Variants in ZNRF3 observed in about 807,000 individuals in gnomAD.
The protein encoded by ZNRF3 is zinc and ring finger 3, also known as E3 ubiquitin-protein ligase ZNRF3.
A neutral mutation model predicts 72.5 loss-of-function variants in ZNRF3; 23 were observed. That is an observed-to-expected ratio of 0.32 (90% confidence interval 0.23 to 0.45). ZNRF3 has a LOEUF of 0.45. Among genes scored for constraint, ZNRF3 ranks in the 20% least tolerant of loss-of-function variants. The pLI is 1.00. For synonymous variants in ZNRF3, 610 were observed against 545.3 expected, an observed-to-expected ratio of 1.12 and a Z score of -1.65; for missense variants, 1,169 against 1,272.1, an observed-to-expected ratio of 0.92 and a Z score of 1.23.
rs1491581046 is a variant in ZNRF3, at chr22:29,020,248, CCT to C, written c.427-22246_427-22245del. On this transcript the variant is annotated intron_variant, in intron 2 of 8. Transcript: ENST00000544604. ...TCATGTTCAGTACAGACACAACCAT[CCT>C]TTTTTTTTTTTTTTTTTTTTTTTCC... is the stretch of plus-strand genomic sequence containing the variant. Among the ~76,000 whole-genome samples, 366 of 94,912 alleles carry C rather than the reference CCT, an allele frequency of 3.9e-3. 2 individuals carry two copies. The highest frequency in any genetic ancestry group is 0.013 in the African/African-American group (351 of 26,360). 62.3% of individuals were successfully genotyped at this position (94,912 alleles called of 152,430 possible).
At chr22:28,959,264 G>A (rs890805016) in intron 1 of ZNRF3, among the ~76,000 whole-genome samples, 16 of 152,224 alleles carry the variant, frequency 1.1e-4, no homozygotes, top group Admixed American at 7.2e-4. Context: ...GTGGGTAGGT[G>A]AACACCTCAC....
At chr22:28,983,801 G>A (rs2035807496) in intron 1 of ZNRF3, among the ~76,000 whole-genome samples, 1 of 152,172 alleles carries the variant, frequency 6.6e-6, no homozygotes, top group Non-Finnish European at 1.5e-5. Flanking sequence ...ATAAACAAAG[G>A]GTAGGAAATG....
chr22:29,046,799 G>T lies in ZNRF3; in HGVS notation c.828G>T (p.Glu276Asp). Residue 276 changes from glutamate to aspartate, a missense_variant, in exon 6 of 9, where the codon GAG becomes GAT. By Grantham distance (45) the Glu-to-Asp change is conservative (BLOSUM62 2). This residue lies in a region of ZNRF3 where 386 missense variants were observed against 540.7 expected (regional missense o/e 0.71). Coordinates refer to ENST00000544604, the MANE Select transcript of ZNRF3 (RefSeq NM_001206998.2). The part of the protein sequence containing the change: ...KFNSKSKGRR[E>D]GSCGALDTLS... The stretch of plus-strand genomic sequence containing the variant: ...ACTCCAAGAGCAAGGGGCGCCGGGA[G>T]GGGAGCTGTGGGGCCCTGGACACAC... The T allele has an allele frequency of 1.2e-6, 2 of 1,612,070 alleles. No homozygotes were observed. The highest frequency in any genetic ancestry group is 1.7e-6 in the Non-Finnish European group (2 of 1,178,976).
At chr22:29,011,882 AC>A (rs2036353603) in intron 2 of ZNRF3, among the ~76,000 whole-genome samples, 1 of 152,200 alleles carries the variant, frequency 6.6e-6, no homozygotes, top group African/African-American at 2.4e-5. Flanking sequence ...TTGCAGGGCC[AC>A]CATGTCTCTG....
chr22:29,049,970 T>G lies in ZNRF3; in HGVS notation c.1789T>G (p.Phe597Val). 1 of 1,612,280 alleles carries G rather than the reference T, an allele frequency of 6.2e-7. No homozygotes were observed. The highest frequency in any genetic ancestry group is 8.5e-7 in the Non-Finnish European group (1 of 1,179,744). Residue 597 changes from phenylalanine (F) to valine (V), a missense_variant, in exon 8 of 9, where the codon TTC becomes GTC. Transcript: ENST00000544604. This position sits in a 1 kb window ranked among gnomAD's most constrained non-coding sequence, Gnocchi z 5.2. ...CTCCCTCAGCAGCGACTATGACCCC[T>G]TCATCTACCGCAGCCGGAGCCCCTG... is the stretch of plus-strand genomic sequence containing the variant. ...RSSLSSDYDP[F>V]IYRSRSPCRA...
chr22:29,053,685 C>T lies in ZNRF3; in HGVS notation c.*63C>T, dbSNP rs1411057128. 2.0e-6 allele frequency: 3 copies of T among 1,504,618 alleles called. No individual in the cohort carries two copies. The highest frequency in any genetic ancestry group is 1.8e-6 in the Non-Finnish European group (2 of 1,113,196). 93.2% of individuals were successfully genotyped at this position (1,504,618 alleles called of 1,614,324 possible). A position where few individuals can be genotyped will look rare whatever the true frequency, so the allele number is the denominator to read the frequency against. ...ATGGAGACTCCAAACTGACTTCTTT[C>T]AAAAAACAAAAACAAAAAATTTTTT... On this transcript the variant is annotated 3_prime_UTR_variant, in exon 9 of 9. Coordinates refer to ENST00000544604, the MANE Select transcript of ZNRF3 (RefSeq NM_001206998.2).
intron 1 of ZNRF3, 68 bp downstream of exon 1, chr22:28,884,134 G>T (rs2033720619): frequency 8.7e-6 from 9 of 1,037,692 alleles, no homozygotes; most frequent in Non-Finnish European, 1.0e-5. Flanking sequence ...TGCGCCCGCC[G>T]ACCCCGCCGC....
At chr22:28,950,026 G>T (rs1026895754) in intron 1 of ZNRF3, among the ~76,000 whole-genome samples, 1 of 151,984 alleles carries the variant, frequency 6.6e-6, no homozygotes, top group Non-Finnish European at 1.5e-5. Flanking sequence ...TGCTTCATCT[G>T]CATTGCTTCA....
Position 29,048,584 on chromosome 22 carries a change from G to A in ZNRF3, c.1015+93G>A, listed in dbSNP as rs1199816392. ...AGGCTTGGGAACACTCAGAACCACC[G>A]TGGCACTGCCCTCTGGACTTGGAGG... On this transcript the variant is annotated intron_variant, in intron 7 of 8. Transcript: ENST00000544604. This position sits in a 1 kb window ranked among gnomAD's most constrained non-coding sequence, Gnocchi z 4.9. 2.0e-5 allele frequency: 26 copies of A among 1,294,464 alleles called. No homozygotes were observed. Among genetic ancestry groups the A allele is most frequent in the South Asian group, 6.4e-5 (5 of 78,454 alleles). The allele number at this position is 1,294,464 out of a possible 1,614,324, so 80.2% of individuals were successfully genotyped here.
chr22:29,023,423 A>G (rs1035638675), intron 2 of ZNRF3, among the ~76,000 whole-genome samples: 2 of 152,174 alleles, frequency 1.3e-5, no homozygotes, highest in Non-Finnish European at 2.9e-5. Context: ...CTTGATTCAG[A>G]TAGACCATAG....
chr22:28,985,581 C>T (rs2035843400), intron 1 of ZNRF3, among the ~76,000 whole-genome samples: 1 of 152,184 alleles, frequency 6.6e-6, no homozygotes, highest in Admixed American at 6.6e-5. Flanking sequence ...CTTTCCCTGT[C>T]AGATGGTCAG....
At chr22:28,895,559 C>T (rs530553823) in intron 1 of ZNRF3, among the ~76,000 whole-genome samples, 1 of 152,044 alleles carries the variant, frequency 6.6e-6, no homozygotes, top group South Asian at 2.1e-4. Context: ...CCCAGCTACT[C>T]GGGAGGCTGA....
intron 1 of ZNRF3, among the ~76,000 whole-genome samples, chr22:28,958,416 A>G (rs943062252): frequency 6.6e-6 from 1 of 152,010 alleles, no homozygotes; most frequent in Admixed American, 6.6e-5. Context: ...GGAAAGGTAT[A>G]TGATACAGTG....
At chr22:28,983,037 A>G (rs1028496552) in intron 1 of ZNRF3, among the ~76,000 whole-genome samples, 8 of 152,180 alleles carry the variant, frequency 5.3e-5, no homozygotes, top group African/African-American at 1.2e-4. Context: ...TAAGTTTTCT[A>G]TCCTCTGAGA....
At chr22:28,986,997 G>A (rs2035865842) in intron 1 of ZNRF3, 79 bp from the exon 2 acceptor site, 18 of 1,511,724 alleles carry the variant, frequency 1.2e-5, no homozygotes, top group Non-Finnish European at 1.4e-5. Context: ...TTTGGCTATA[G>A]CATCTGAGAA....
rs2034440891 is a variant in ZNRF3, at chr22:28,918,110, G to A, written c.300+34044G>A. Among the ~76,000 whole-genome samples, 3 of 152,198 alleles carry A rather than the reference G, an allele frequency of 2.0e-5. No homozygotes were observed. The East Asian group carries it at 5.8e-4, about 29-fold the overall frequency. ...GTGGTTTAAGAGCTGTGCCCTTGGT[G>A]TGGGCTGAAAGGCAGGCCTGGCGAA... is the stretch of plus-strand genomic sequence containing the variant. On this transcript the variant is annotated intron_variant, in intron 1 of 8. Coordinates refer to ENST00000544604, the MANE Select transcript of ZNRF3 (RefSeq NM_001206998.2).
intron 2 of ZNRF3, among the ~76,000 whole-genome samples, chr22:29,021,885 T>C (rs954814048): frequency 2.6e-5 from 4 of 151,472 alleles, no homozygotes; most frequent in Non-Finnish European, 4.4e-5. Flanking sequence ...CACACACACA[T>C]ACACACACAC....
intron 1 of ZNRF3, among the ~76,000 whole-genome samples, chr22:28,978,531 C>G (rs2035712732): frequency 1.3e-5 from 2 of 152,176 alleles, no homozygotes. Flanking sequence ...TGAAATCCTT[C>G]TCTGCCTTTT....
At position 28,992,228 on chromosome 22, in the gene ZNRF3, C is replaced by G. The variant is rs555395509; in HGVS notation, c.426+5027C>G. ...CCCCCCGGAAAAACGAAAAAGAAAT[C>G]AGATGCCTTTTAGTAGTCAAAGGCT... is the stretch of plus-strand genomic sequence containing the variant. On this transcript the variant is annotated intron_variant, in intron 2 of 8. Transcript: ENST00000544604. Among the ~76,000 whole-genome samples, 321 of 133,034 alleles carry G rather than the reference C, an allele frequency of 2.4e-3. 1 individual carries two copies. The highest frequency in any genetic ancestry group is 9.3e-3 in the Middle Eastern group (2 of 216). The allele number at this position is 133,034 out of a possible 152,430, so 87.3% of individuals were successfully genotyped here.
Sources: allele counts gnomAD v4.1 joint callset (sites outside exome capture counted in the v4.1 genomes callset), GRCh38; gene constraint gnomAD v4.1.1; regional missense constraint gnomAD v4.1.1; non-coding constraint Gnocchi (gnomAD v3.1); transcripts MANE v1.5; gene names NCBI Gene and HGNC (gene_info 2026-07-23, HGNC 2026-07-21).